SLC4A4: variants seen among roughly 807,000 people sequenced by gnomAD.
The protein encoded by SLC4A4 is solute carrier family 4 member 4, also known as electrogenic sodium bicarbonate cotransporter 1.
A neutral mutation model predicts 111.5 loss-of-function variants in SLC4A4; 27 were observed. The ratio of observed to expected loss-of-function variants is 0.24; its 90% CI spans 0.18 to 0.33. The LOEUF is 0.33. Among genes scored for constraint, SLC4A4 ranks in the 10% least tolerant of loss-of-function variants. The pLI, the probability that SLC4A4 is intolerant of heterozygous loss-of-function variation, is 1.00. For missense variants in SLC4A4, 909 were observed against 1,315.5 expected (o/e 0.69, Z 4.78); for synonymous variants, 443 against 463.4 (o/e 0.96, Z 0.57).
intron 6 of SLC4A4, among the ~76,000 whole-genome samples, chr4:71,392,449 A>T (rs950510508): frequency 5.3e-5 from 8 of 152,100 alleles, no homozygotes; most frequent in African/African-American, 1.9e-4. Flanking sequence ...TAGTATAGAT[A>T]CTGTTAAGAT....
chr4:71,332,100 TTTATC>T (rs1728050354), intron 3 of SLC4A4, among the ~76,000 whole-genome samples: 1 of 152,174 alleles, frequency 6.6e-6, no homozygotes, highest in Non-Finnish European at 1.5e-5. Context: ...GTCATTTTTG[TTTATC>T]TTTTCAAACA....
intron 6 of SLC4A4, among the ~76,000 whole-genome samples, chr4:71,394,846 T>C (rs1340525332): frequency 6.6e-6 from 1 of 152,124 alleles, no homozygotes; most frequent in Non-Finnish European, 1.5e-5. Flanking sequence ...ACATCGTATG[T>C]TCTCACTGAT....
intron 3 of SLC4A4, among the ~76,000 whole-genome samples, chr4:71,307,979 C>G (rs1360294947): frequency 6.6e-6 from 1 of 152,162 alleles, no homozygotes; most frequent in Non-Finnish European, 1.5e-5. Flanking sequence ...AAAACACACA[C>G]CTGATTCTGC....
chr4:71,358,243 A>T (rs1413761567), intron 6 of SLC4A4, among the ~76,000 whole-genome samples: 5 of 147,812 alleles, frequency 3.4e-5, no homozygotes, highest in Non-Finnish European at 5.9e-5. Flanking sequence ...TAAACCCGGG[A>T]GGGGGAGGTT....
chr4:71,397,800 G>A (rs1459861315), intron 7 of SLC4A4, 147 bp downstream of exon 7: 1 of 744,204 alleles, frequency 1.3e-6, no homozygotes, highest in Non-Finnish European at 2.4e-6. Flanking sequence ...AGAAGGAGAA[G>A]CAGTGTGTGA....
rs1737911497 is a variant in SLC4A4 at position 71,571,157 on chromosome 4, A to C, written c.*3406A>C. 6.6e-6 allele frequency: 1 copy of C among 152,258 alleles called. No homozygotes were observed. The highest frequency in any genetic ancestry group is 2.1e-4 in the South Asian group (1 of 4,832). 9.4% of individuals were successfully genotyped at this position (152,258 alleles called of 1,614,324 possible). A position where few individuals can be genotyped will look rare whatever the true frequency, so the allele number is the denominator to read the frequency against. ...GTTCCTTTTTTAACTGTGTTAAAGT[A>C]CTTGAAATGTATTGACTGCTGACTA... On this transcript the variant is annotated 3_prime_UTR_variant, in exon 26 of 26. Transcript: ENST00000264485.
At chr4:71,354,722 T>C (rs1309325973) in intron 5 of SLC4A4, among the ~76,000 whole-genome samples, 1 of 152,126 alleles carries the variant, frequency 6.6e-6, no homozygotes, top group African/African-American at 2.4e-5. Context: ...TAAAGAAAAA[T>C]ATTGTGTGAC....
chr4:71,483,372 T>A (rs1415017059), intron 14 of SLC4A4, among the ~76,000 whole-genome samples: 1 of 151,948 alleles, frequency 6.6e-6, no homozygotes, highest in African/African-American at 2.4e-5. Flanking sequence ...CTCCTTTATG[T>A]GTCCATGTGT....
At chr4:71,332,186 A>G (rs1269472544) in intron 3 of SLC4A4, among the ~76,000 whole-genome samples, 2 of 151,234 alleles carry the variant, frequency 1.3e-5, no homozygotes, top group Non-Finnish European at 3.0e-5. Context: ...TTTGATCTTT[A>G]TTATTTTTCT....
At chr4:71,404,184 G>T (rs113199875) in intron 7 of SLC4A4, among the ~76,000 whole-genome samples, 8 of 152,260 alleles carry the variant, frequency 5.3e-5, no homozygotes, top group African/African-American at 1.9e-4. Flanking sequence ...ATTTGCACCT[G>T]TGGTCCTCTT....
chr4:71,228,769 A>C (rs1719212715), intron 1 of SLC4A4, among the ~76,000 whole-genome samples: 1 of 152,216 alleles, frequency 6.6e-6, no homozygotes, highest in African/African-American at 2.4e-5. Context: ...GTATTTGAGA[A>C]ATTATACAGA....
chr4:71,556,247 G>C (rs1736469686), intron 21 of SLC4A4, among the ~76,000 whole-genome samples: 2 of 151,934 alleles, frequency 1.3e-5, no homozygotes, highest in Admixed American at 6.6e-5. Context: ...CAAAATACAA[G>C]GTGGTTCTTC....
chr4:71,146,367 A>G (rs1744170709), intron 2 of SLC4A4, among the ~76,000 whole-genome samples: 1 of 152,160 alleles, frequency 6.6e-6, no homozygotes, highest in Non-Finnish European at 1.5e-5. Flanking sequence ...TTTACTTCCA[A>G]CTATGTGGTC....
At chr4:71,410,087 C>A (rs1055535421) in intron 7 of SLC4A4, among the ~76,000 whole-genome samples, 9 of 152,146 alleles carry the variant, frequency 5.9e-5, no homozygotes, top group Admixed American at 2.0e-4. Flanking sequence ...CAAAAGTTTG[C>A]TGCAGGGGTG....
rs141153508 is a variant in SLC4A4 at position 71,275,120 on chromosome 4, C to A, written c.253+19721C>A. 1.1e-3 allele frequency among the ~76,000 whole-genome samples: 174 copies of A among 152,174 alleles called. 2 individuals carry two copies. Among genetic ancestry groups the A allele is most frequent in the African/African-American group, 3.9e-3 (162 of 41,532 alleles). On this transcript the variant is annotated intron_variant, in intron 3 of 25. Transcript: ENST00000264485. ...ATTGAAAAAGTTTCTTTAAAAAATT[C>A]TTTCACTGCCACAGCAGGAGTGAAC...
intron 7 of SLC4A4, chr4:71,437,677 G>A (rs561425421): frequency 4.3e-6 from 2 of 465,162 alleles, no homozygotes; most frequent in South Asian, 3.4e-5. Flanking sequence ...GAGAGCACAG[G>A]CCATGCCAAC....
chr4:71,115,754 CTT>C (rs1197557356), intron 2 of SLC4A4, among the ~76,000 whole-genome samples: 2 of 152,150 alleles, frequency 1.3e-5, no homozygotes, highest in African/African-American at 4.8e-5. Context: ...GATGAACAAA[CTT>C]TATTATTCAG....
At chr4:71,149,498 T>C (rs1744260086) in intron 2 of SLC4A4, among the ~76,000 whole-genome samples, 1 of 152,194 alleles carries the variant, frequency 6.6e-6, no homozygotes, top group African/African-American at 2.4e-5. Context: ...TTCCTTCAGC[T>C]ACTGGATCAA....
chr4:71,413,763 A>G (rs1721600771), intron 7 of SLC4A4, among the ~76,000 whole-genome samples: 1 of 152,124 alleles, frequency 6.6e-6, no homozygotes, highest in South Asian at 2.1e-4. Context: ...GCCAAAACTG[A>G]GCCCTTCTAG....
Sources: allele counts gnomAD v4.1 joint callset (sites outside exome capture counted in the v4.1 genomes callset), GRCh38; gene constraint gnomAD v4.1.1; transcripts MANE v1.5; gene names NCBI Gene and HGNC (gene_info 2026-07-23, HGNC 2026-07-21).